The following CALCR variants were observed in gnomAD, a reference collection of about 807,000 sequenced individuals.
The protein encoded by CALCR is calcitonin receptor.
A neutral mutation model predicts 59.5 loss-of-function variants in CALCR; 47 were observed. That is an observed-to-expected ratio of 0.79 (90% CI 0.63 to 1.01). The LOEUF (loss-of-function observed/expected upper bound fraction) is 1.01, where lower values mean the gene tolerates loss of function less well. CALCR is among the 50% of genes least tolerant of loss of function. CALCR has a pLI of 0.00. For missense variants in CALCR, 566 were observed against 597.1 expected (o/e 0.95, Z 0.54); for synonymous variants, 213 against 211.3 (o/e 1.01, Z -0.07).
intron 8 of CALCR, among the ~76,000 whole-genome samples, chr7:93,448,156 A>T (rs1800040070): frequency 6.6e-6 from 1 of 151,974 alleles, no homozygotes; most frequent in Non-Finnish European, 1.5e-5. Context: ...AATTCTCATG[A>T]TACATTTCGT....
chr7:93,458,825 A>G lies in CALCR; in HGVS notation c.648+1996T>C, dbSNP rs142952714. Among the ~76,000 whole-genome samples, 598 of 152,276 alleles carry G rather than the reference A, an allele frequency of 3.9e-3. 4 individuals carry two copies. The highest frequency in any genetic ancestry group is 0.02 in the Middle Eastern group (6 of 294). On this transcript the variant is annotated intron_variant, in intron 8 of 13. Transcript: ENST00000426151. Reference sequence around the variant, plus strand: ...TCCAGCGTATTGTCTCCACATTTGCATTAGGATAAAACATATGGATTCACC... The same window carrying G: ...TCCAGCGTATTGTCTCCACATTTGCGTTAGGATAAAACATATGGATTCACC...
chr7:93,476,082 C>A (rs1199449053), intron 5 of CALCR, among the ~76,000 whole-genome samples: 1 of 151,588 alleles, frequency 6.6e-6, no homozygotes, highest in Non-Finnish European at 1.5e-5. Flanking sequence ...CATAAGCTCA[C>A]AATTTTTTTT....
At chr7:93,520,847 AC>A (rs1460764721) in intron 2 of CALCR, among the ~76,000 whole-genome samples, 1 of 152,106 alleles carries the variant, frequency 6.6e-6, no homozygotes, top group East Asian at 1.9e-4. Flanking sequence ...AGAAACAAAG[AC>A]CAAATTTTGG....
chr7:93,559,837 T>C (rs1018899551), intron 2 of CALCR: 1 of 152,130 alleles, frequency 6.6e-6, no homozygotes, highest in Non-Finnish European at 1.5e-5. Context: ...ATTGGGACTT[T>C]GTTGTCCTTT....
chr7:93,485,186 CAG>C (rs1800914724), intron 3 of CALCR, among the ~76,000 whole-genome samples: 1 of 151,546 alleles, frequency 6.6e-6, no homozygotes, highest in African/African-American at 2.4e-5. Flanking sequence ...AATCCAAATA[CAG>C]AGAGAGAAGC....
chr7:93,482,778 T>G (rs1303218054), intron 3 of CALCR: 1 of 533,628 alleles, frequency 1.9e-6, no homozygotes, highest in Admixed American at 1.9e-5. Context: ...CTTATCATTC[T>G]TGCAATATTG....
intron 2 of CALCR, among the ~76,000 whole-genome samples, chr7:93,519,564 C>T (rs1395727180): frequency 6.6e-6 from 1 of 151,976 alleles, no homozygotes; most frequent in Non-Finnish European, 1.5e-5. Flanking sequence ...ATATGTTGAG[C>T]ATTTTCATTA....
rs368300084 is a variant in CALCR at position 93,436,091 on chromosome 7, A to C, written c.1010T>G (p.Met337Arg). The C allele has an allele frequency of 6.2e-7, 1 of 1,614,170 alleles. No homozygotes were observed. The highest frequency in any genetic ancestry group is 8.5e-7 in the Non-Finnish European group (1 of 1,179,986). Residue 337 changes from methionine to arginine, a missense_variant, in exon 12 of 14, where the codon ATG (methionine) becomes AGG (arginine). Met to Arg is a moderately conservative substitution (Grantham distance 91, BLOSUM62 -1). Transcript: ENST00000426151. ...GGTGGCCTTCACAGCCTTCAGGTAC[A>C]TGTGGGATTCCGCCTCATGGGTTTC... The part of the protein sequence containing the change: ...MRETHEAESH[M>R]YLKAVKATMI...
chr7:93,436,135 C>T lies in CALCR; in HGVS notation c.966G>A (p.Val322=), dbSNP rs575377286. Residue 322 remains valine, a synonymous_variant, in exon 12 of 14, where the codon GTG becomes GTA. Coordinates refer to ENST00000426151, the MANE Select transcript of CALCR (RefSeq NM_001742.4). ...NFFFLLNIVR[V]LVTKMRETHE... is the part of the protein sequence containing the mutation. ...GGGTTTCCCTCATTTTGGTCACAAGCACCCGGACAATGTTGAGCAAAAAGA... is the reference window on the plus strand; with the variant it reads ...GGGTTTCCCTCATTTTGGTCACAAGTACCCGGACAATGTTGAGCAAAAAGA... 8 of 1,614,114 alleles carry T rather than the reference C, an allele frequency of 5.0e-6. No individual in the cohort carries two copies. Among genetic ancestry groups the T allele is most frequent in the African/African-American group, 2.7e-5 (2 of 75,040 alleles).
At chr7:93,491,640 A>C (rs1351371879) in intron 2 of CALCR, among the ~76,000 whole-genome samples, 1 of 152,038 alleles carries the variant, frequency 6.6e-6, no homozygotes, top group Non-Finnish European at 1.5e-5. Flanking sequence ...CAGCCAACAA[A>C]CATGAAATAA....
intron 2 of CALCR, among the ~76,000 whole-genome samples, chr7:93,549,164 G>A (rs1789383112): frequency 6.6e-6 from 1 of 152,122 alleles, no homozygotes; most frequent in South Asian, 2.1e-4. Flanking sequence ...GTGACTTCAT[G>A]TTCTCATGTT....
intron 11 of CALCR, among the ~76,000 whole-genome samples, chr7:93,436,459 G>A (rs1799780984): frequency 6.6e-6 from 1 of 152,114 alleles, no homozygotes; most frequent in African/African-American, 2.4e-5. Flanking sequence ...TGGCGGGGGT[G>A]GTGGAGGGGT....
chr7:93,562,224 G>A (rs181689106), intron 2 of CALCR, among the ~76,000 whole-genome samples: 74 of 151,916 alleles, frequency 4.9e-4, no homozygotes, highest in Admixed American at 4.0e-3. Flanking sequence ...TCTGTAAATT[G>A]GAGAGATAAA....
chr7:93,447,161 T>G (rs749626989), intron 8 of CALCR, among the ~76,000 whole-genome samples: 1 of 152,020 alleles, frequency 6.6e-6, no homozygotes, highest in Non-Finnish European at 1.5e-5. Context: ...GTACACTATT[T>G]AATCTATCTT....
chr7:93,533,245 T>A (rs974875405), intron 2 of CALCR, among the ~76,000 whole-genome samples: 25 of 152,010 alleles, frequency 1.6e-4, no homozygotes, highest in African/African-American at 6.0e-4. Flanking sequence ...GAGGACTAAC[T>A]GTACTCCCTT....
chr7:93,500,982 C>T (rs900524836), intron 2 of CALCR, among the ~76,000 whole-genome samples: 1 of 151,808 alleles, frequency 6.6e-6, no homozygotes, highest in East Asian at 1.9e-4. Flanking sequence ...TTTGAGTGCC[C>T]TTGGAAATTA....
intron 2 of CALCR, among the ~76,000 whole-genome samples, chr7:93,489,642 A>G (rs533312483): frequency 6.6e-6 from 1 of 152,092 alleles, no homozygotes; most frequent in African/African-American, 2.4e-5. Flanking sequence ...AAACACCTCT[A>G]CACAAATAAA....
chr7:93,551,493 C>T (rs1224423477), intron 2 of CALCR, among the ~76,000 whole-genome samples: 1 of 152,180 alleles, frequency 6.6e-6, no homozygotes, highest in Non-Finnish European at 1.5e-5. Flanking sequence ...AACTTCTTTA[C>T]AGGTTTTTTT....
intron 11 of CALCR, among the ~76,000 whole-genome samples, chr7:93,436,784 A>C (rs1259149374): frequency 1.3e-5 from 2 of 152,284 alleles, no homozygotes; most frequent in Admixed American, 1.3e-4. Flanking sequence ...AGTTCACTAA[A>C]AACACATTTT....
Sources: gnomAD v4.1 joint callset for allele counts (sites outside exome capture counted in the v4.1 genomes callset) on GRCh38, gnomAD v4.1.1 for gene constraint, MANE v1.5 for transcripts, NCBI Gene and HGNC (gene_info 2026-07-23, HGNC 2026-07-21) for gene names.